PLEC: variants seen among roughly 807,000 people sequenced by gnomAD.
PLEC encodes hemidesmosomal protein 1.
Under a neutral mutation model 392.8 loss-of-function variants are expected in PLEC, and 216 were observed. The ratio of observed to expected loss-of-function variants is 0.55; its 90% confidence interval spans 0.49 to 0.62. The LOEUF (loss-of-function observed/expected upper bound fraction) is 0.62, where lower values mean the gene tolerates loss of function less well. PLEC is among the 20% of genes least tolerant of loss of function. PLEC has a pLI of 0.00. For synonymous variants in PLEC, 3,621 were observed against 2,980.6 expected (o/e 1.21, Z -7.00); for missense variants, 6,863 against 6,563.4 (o/e 1.05, Z -1.58).
At chr8:143,933,774 GC>G (rs1446939646) in intron 12 of PLEC, among the ~76,000 whole-genome samples, 1 of 152,228 alleles carries the variant, frequency 6.6e-6, no homozygotes, top group East Asian at 1.9e-4. Flanking sequence ...CGTGGGTTCT[GC>G]CCCGTGGCCA....
chr8:143,916,489 G>C lies in PLEC; in HGVS notation c.13332C>G (p.Ile4444Met), dbSNP rs1189848917. 6.2e-7 allele frequency: 1 copy of C among 1,611,702 alleles called. No individual in the cohort carries two copies. The highest frequency in any genetic ancestry group is 2.2e-5 in the East Asian group (1 of 44,752). The change falls in exon 32 of 32, where the codon ATC becomes ATG. Residue 4444 changes from isoleucine (I) to methionine (M), a missense_variant. Physicochemically the swap from Ile to Met is conservative, Grantham distance 10. Coordinates refer to ENST00000345136, the MANE Select transcript of PLEC (RefSeq NM_201384.3). Reference sequence around the variant, plus strand: ...TGCGGTCCAGCGCGTCCTTATAGGAGATCTTGAGCTTGGTCTTAGGGCAGG... The same window carrying C: ...TGCGGTCCAGCGCGTCCTTATAGGACATCTTGAGCTTGGTCTTAGGGCAGG... Reference protein sequence around the residue: ...YLTCPKTKLKISYKDALDRSM... With the variant: ...YLTCPKTKLKMSYKDALDRSM...
Position 143,917,736 on chromosome 8 carries a change from T to C in PLEC, c.12085A>G (p.Met4029Val). The change falls in exon 32 of 32, where the codon ATG (methionine) becomes GTG (valine). Residue 4029 changes from methionine to valine, a missense_variant. Met to Val is a conservative substitution (Grantham distance 21). Transcript: ENST00000345136. ...SGKLISLFQA[M>V]KKGLILKDHG... ...TCCTTCAGGATCAGGCCCTTCTTCA[T>C]GGCCTGGAAGAGGGAGATGAGCTTC... The C allele has an allele frequency of 6.2e-7, 1 of 1,613,638 alleles. No homozygotes were observed. The highest frequency in any genetic ancestry group is 1.1e-5 in the South Asian group (1 of 91,086).
chr8:143,944,664 C>T (rs540312324), intron 1 of PLEC: 20 of 1,340,700 alleles, frequency 1.5e-5, no homozygotes, highest in South Asian at 9.4e-5. Flanking sequence ...CGATCTTCAT[C>T]GGGGACGGTG....
chr8:143,964,983 C>A (rs1249043796), intron 1 of PLEC, among the ~76,000 whole-genome samples: 1 of 148,114 alleles, frequency 6.8e-6, no homozygotes, highest in South Asian at 2.2e-4. Flanking sequence ...GCCCCACTCC[C>A]CCAACCAACC....
At chr8:143,965,272 A>G (rs1351248154) in intron 1 of PLEC, among the ~76,000 whole-genome samples, 1 of 152,070 alleles carries the variant, frequency 6.6e-6, no homozygotes, top group African/African-American at 2.4e-5. Flanking sequence ...TCCTGCCAAG[A>G]GCTGACCACC....
Position 143,924,414 on chromosome 8 carries a change from G to C in PLEC, c.5515C>G (p.Leu1839Val). 6.3e-7 allele frequency: 1 copy of C among 1,592,484 alleles called. No individual in the cohort carries two copies. Among genetic ancestry groups the C allele is most frequent in the Non-Finnish European group, 8.5e-7 (1 of 1,176,830 alleles). ...CGCGTGGCCTCGCCGATGGCGGCCA[G>C]CTTCTCCGCAAGCACCCGCTCCGCC... ...AEAERVLAEK[L>V]AAIGEATRLK... Residue 1839 changes from leucine to valine, a missense_variant, in exon 31 of 32, where the codon CTG becomes GTG. By Grantham distance (32) the Leu-to-Val change is conservative. Coordinates refer to ENST00000345136, the MANE Select transcript of PLEC (RefSeq NM_201384.3).
At position 143,927,031 on chromosome 8, in the gene PLEC, G is replaced by A. The variant is rs1586960090; in HGVS notation, c.3891C>T (p.Ala1297=). The A allele has an allele frequency of 8.7e-6, 14 of 1,612,716 alleles. No individual in the cohort carries two copies. The East Asian group carries it at 2.5e-4, about 28-fold the overall frequency. The change falls in exon 29 of 32, where the codon GCC becomes GCT. Residue 1297 remains alanine, a synonymous_variant. Transcript: ENST00000345136. The part of the protein sequence containing the change: ...VTYKAQLEPV[A]SPAKKPKVQS... ...GGACCTTGGGCTTCTTGGCCGGGGA[G>A]GCCACCGGCTCAAGCTGCGCCTTGT...
intron 30 of PLEC, 103 bp from the exon 31 acceptor site, chr8:143,925,987 A>G (rs1431100687): frequency 4.6e-6 from 6 of 1,304,958 alleles, no homozygotes; most frequent in Non-Finnish European, 5.3e-6. Flanking sequence ...AGCGCGGAGC[A>G]GGGGTCGGGG....
At position 143,918,003 on chromosome 8, in the gene PLEC, C is replaced by T. The variant is rs534537112; in HGVS notation, c.11818G>A (p.Val3940Met). 218 of 1,612,262 alleles carry T rather than the reference C, an allele frequency of 1.4e-4. 1 individual carries two copies. The highest frequency in any genetic ancestry group is 1.6e-4 in the Middle Eastern group (1 of 6,062). The change falls in exon 32 of 32, where the codon GTG (valine) becomes ATG (methionine). Residue 3940 changes from valine (V) to methionine (M), a missense_variant. Val to Met is a conservative substitution (Grantham distance 21). Coordinates refer to ENST00000345136, the MANE Select transcript of PLEC (RefSeq NM_201384.3). The part of the protein sequence containing the change: ...EGTSCIAGVF[V>M]DATKERLSVY... ...GAGAGCCGTTCCTTGGTGGCGTCCA[C>T]GAAGACACCAGCGATGCAGCTGGTG...
At chr8:143,945,263 C>A (rs782337415) in intron 1 of PLEC, 2 of 488,396 alleles carry the variant, frequency 4.1e-6, no homozygotes, top group Non-Finnish European at 8.3e-6. Flanking sequence ...GCGCCTGCCC[C>A]ACAGCACAGC....
In PLEC at chr8:143,921,033, A is replaced by C. The variant is rs781997050; in HGVS notation, c.8788T>G (p.Ser2930Ala). The change falls in exon 32 of 32, where the codon TCG becomes GCG. Residue 2930 changes from serine to alanine, a missense_variant. Coordinates refer to ENST00000345136, the MANE Select transcript of PLEC (RefSeq NM_201384.3). ...KTVTIWEIIN[S>A]EYFTAEQRRD... ...CGCTGCTCTGCCGTGAAGTATTCCGAGTTGATGATCTCCCAAATGGTCACC... is the reference window on the plus strand; with the variant it reads ...CGCTGCTCTGCCGTGAAGTATTCCGCGTTGATGATCTCCCAAATGGTCACC... The C allele has an allele frequency of 8.7e-6, 14 of 1,612,746 alleles. No individual in the cohort carries two copies. The highest frequency in any genetic ancestry group is 1.2e-5 in the Non-Finnish European group (14 of 1,180,016).
At chr8:143,942,430 G>A (rs1554729414), upstream of PLEC, 1 of 1,604,848 alleles carries the variant, frequency 6.2e-7, no homozygotes, top group Admixed American at 1.7e-5. Context: ...GCCCCTGCGG[G>A]CCGGCTCGCA....
intron 11 of PLEC, 33 bp downstream of exon 11, chr8:143,934,285 G>A (rs541672848): frequency 6.2e-7 from 1 of 1,610,052 alleles, no homozygotes; most frequent in Admixed American, 1.7e-5. Flanking sequence ...ACACCCTCGG[G>A]TGGTTCCCCT....
rs375223477 is a variant in PLEC at position 143,927,004 on chromosome 8, C to T, written c.3918G>A (p.Gln1306=). The stretch of plus-strand genomic sequence containing the variant: ...CCTGGATGACACTCTCTGATCCCGA[C>T]TGGACCTTGGGCTTCTTGGCCGGGG... ...VASPAKKPKV[Q]SGSESVIQEY... is the part of the protein sequence containing the mutation. The change falls in exon 29 of 32, where the codon CAG becomes CAA. Residue 1306 remains glutamine (Q), a synonymous_variant. Transcript: ENST00000345136. 6.2e-7 allele frequency: 1 copy of T among 1,613,216 alleles called. No individual in the cohort carries two copies. Among genetic ancestry groups the T allele is most frequent in the Admixed American group, 1.7e-5 (1 of 60,032 alleles).
chr8:143,969,487 C>T lies in PLEC; in HGVS notation c.70+3916G>A, dbSNP rs1833303362. On this transcript the variant is annotated intron_variant, in intron 1 of 31. Transcript: ENST00000356346. This position sits in a 1 kb window ranked among gnomAD's most constrained non-coding sequence, Gnocchi z 5.1. ...GTGTCCAGTCGCCCAGCCCCCCAAG[C>T]CTGGCCTGTGACAGCTCATAGAGGC... 6.6e-6 allele frequency among the ~76,000 whole-genome samples: 1 copy of T among 152,246 alleles called. No homozygotes were observed. Among genetic ancestry groups the T allele is most frequent in the African/African-American group, 2.4e-5 (1 of 41,466 alleles).
chr8:143,937,547 T>C, intron 3 of PLEC: 1 of 505,956 alleles, frequency 2.0e-6, no homozygotes, highest in South Asian at 2.0e-5. Context: ...TCCTCCTGCC[T>C]GGCGGTGGCA....
At chr8:143,974,067 C>T (rs1328834163), upstream of PLEC, among the ~76,000 whole-genome samples, 1 of 152,266 alleles carries the variant, frequency 6.6e-6, no homozygotes, top group African/African-American at 2.4e-5. This position sits in a 1 kb window ranked among gnomAD's most constrained non-coding sequence, Gnocchi z 5.9. Context: ...CCGCTCTCCC[C>T]GCCTTCACCA....
rs782326556 is a variant in PLEC at position 143,921,316 on chromosome 8, G to A, written c.8505C>T (p.Phe2835=). The change falls in exon 32 of 32, where the codon TTC becomes TTT. Residue 2835 remains phenylalanine, a synonymous_variant. Coordinates refer to ENST00000345136, the MANE Select transcript of PLEC (RefSeq NM_201384.3). ...PVDVAYRRGY[F]DEEMNRVLAD... ...CCAGGACGCGGTTCATCTCCTCGTC[G>A]AAGTAGCCGCGCCGGTAGGCCACGT... 41 of 1,613,812 alleles carry A rather than the reference G, an allele frequency of 2.5e-5. No homozygotes were observed. Among genetic ancestry groups the A allele is most frequent in the South Asian group, 9.9e-5 (9 of 91,082 alleles).
rs1554672334 is a variant in PLEC, at chr8:143,917,543, G to A, written c.12278C>T (p.Pro4093Leu). Residue 4093 changes from proline (P) to leucine (L), a missense_variant, in exon 32 of 32, where the codon CCT (proline) becomes CTT (leucine). Physicochemically the swap from Pro to Leu is moderately conservative, Grantham distance 98. Coordinates refer to ENST00000345136, the MANE Select transcript of PLEC (RefSeq NM_201384.3). The part of the protein sequence containing the change: ...PSDDTKGFFD[P>L]NTEENLTYLQ... ...GTAGGTGAGGTTCTCCTCCGTGTTA[G>A]GGTCAAAGAAGCCCTTGGTGTCGTC... The A allele has an allele frequency of 1.2e-6, 2 of 1,613,854 alleles. No individual in the cohort carries two copies. The highest frequency in any genetic ancestry group is 2.2e-5 in the South Asian group (2 of 91,088).
Sources: gnomAD v4.1 joint callset for allele counts (sites outside exome capture counted in the v4.1 genomes callset) on GRCh38, gnomAD v4.1.1 for gene constraint, Gnocchi (gnomAD v3.1) non-coding constraint, MANE v1.5 for transcripts, NCBI Gene and HGNC (gene_info 2026-07-23, HGNC 2026-07-21) for gene names.